LRMDA: variants seen among roughly 807,000 people sequenced by gnomAD.
The protein encoded by LRMDA is leucine-rich melanocyte differentiation-associated protein.
A neutral mutation model predicts 29.8 loss-of-function variants in LRMDA; 18 were observed. The observed-to-expected ratio is 0.60, with a 90% confidence interval of 0.42 to 0.90. The LOEUF is 0.90. Ranked by LOEUF, LRMDA falls within the 40% of genes least tolerant of loss-of-function variation. The pLI, the probability that LRMDA is intolerant of heterozygous loss-of-function variation, is 0.00. For missense variants in LRMDA, 273 were observed against 273.9 expected (o/e 1.00, Z 0.02); for synonymous variants, 125 against 109.4 (o/e 1.14, Z -0.89).
In LRMDA at chr10:75,735,477, C is replaced by T. The variant is rs892664366; in HGVS notation, c.131+296983C>T. Among the ~76,000 whole-genome samples the T allele has an allele frequency of 2.6e-5, 4 of 152,254 alleles. No individual in the cohort carries two copies. In the South Asian group the frequency reaches 8.3e-4, roughly 32 times the overall value. On this transcript the variant is annotated intron_variant, in intron 2 of 6. Transcript: ENST00000611255. ...AAACAAACTAACTAACAATCAGCAA[C>T]AAAAACATCACATTCAGCCTAAACT...
intron 6 of LRMDA, among the ~76,000 whole-genome samples, chr10:76,481,325 C>T (rs1436965503): frequency 6.6e-6 from 1 of 151,360 alleles, no homozygotes. Context: ...CTGCAATGGG[C>T]CTGAAATGAC....
rs1392178157 is a variant in LRMDA, at chr10:75,672,517, T to TCCC, written c.131+234023_131+234024insCCC. Among the ~76,000 whole-genome samples the TCCC allele has an allele frequency of 3.3e-3, 122 of 36,698 alleles. 14 individuals are homozygous for TCCC. Among genetic ancestry groups the TCCC allele is most frequent in the African/African-American group, 9.7e-3 (100 of 10,348 alleles). The allele number at this position is 36,698 out of a possible 152,430, so 24.1% of individuals were successfully genotyped here. On this transcript the variant is annotated intron_variant, in intron 2 of 6. Transcript: ENST00000611255. ...CTAAGACACTTCCTTGTATTTTTCT[T>TCCC]TTCTTTTCCTCCCCTCCCCTCCCCT...
At chr10:75,751,372 T>TG (rs1842967704) in intron 2 of LRMDA, among the ~76,000 whole-genome samples, 1 of 140,436 alleles carries the variant, frequency 7.1e-6, no homozygotes, top group South Asian at 2.3e-4. Context: ...GGAGGGGGAG[T>TG]GGGAGAGGGA....
intron 5 of LRMDA, among the ~76,000 whole-genome samples, chr10:76,118,682 C>T (rs982427701): frequency 1.3e-5 from 2 of 152,022 alleles, no homozygotes; most frequent in South Asian, 4.2e-4. Flanking sequence ...GACTCCCAAG[C>T]CCAGGGTACC....
intron 5 of LRMDA, among the ~76,000 whole-genome samples, chr10:76,305,212 A>G (rs775996898): frequency 6.6e-6 from 1 of 152,196 alleles, no homozygotes; most frequent in Non-Finnish European, 1.5e-5. Context: ...TTCAAAACCT[A>G]GGAATCCTGG....
At chr10:76,328,637 G>A (rs1449315488) in intron 6 of LRMDA, among the ~76,000 whole-genome samples, 1 of 152,148 alleles carries the variant, frequency 6.6e-6, no homozygotes, top group African/African-American at 2.4e-5. Context: ...TAGAGGGAGA[G>A]GCATGGCCTG....
intron 6 of LRMDA, among the ~76,000 whole-genome samples, chr10:76,481,268 T>G (rs1007318822): frequency 7.2e-5 from 11 of 151,864 alleles, no homozygotes; most frequent in Non-Finnish European, 1.5e-5. Flanking sequence ...AGTGTTTGAT[T>G]TTTAGATTGT....
chr10:75,815,960 G>A (rs1554827482), intron 2 of LRMDA, among the ~76,000 whole-genome samples: 1 of 152,212 alleles, frequency 6.6e-6, no homozygotes, highest in Non-Finnish European at 1.5e-5. Context: ...TGTATCTCTA[G>A]TAAGGAGCAG....
chr10:76,313,663 C>A (rs1291659298), intron 5 of LRMDA, among the ~76,000 whole-genome samples: 1 of 152,050 alleles, frequency 6.6e-6, no homozygotes, highest in Admixed American at 6.5e-5. Flanking sequence ...TGCTTAACAG[C>A]CAAGTCTCTG....
chr10:75,744,017 G>T (rs1247388720), intron 2 of LRMDA, among the ~76,000 whole-genome samples: 1 of 152,162 alleles, frequency 6.6e-6, no homozygotes, highest in Admixed American at 6.5e-5. Context: ...AACCACTAGG[G>T]TGTTGAAACA....
chr10:76,381,404 T>C (rs147412016), intron 6 of LRMDA, among the ~76,000 whole-genome samples: 3 of 152,322 alleles, frequency 2.0e-5, no homozygotes, highest in African/African-American at 7.2e-5. Context: ...CCAATACCTG[T>C]ACATATCTGG....
At chr10:75,920,844 T>C (rs1564607350) in intron 2 of LRMDA, among the ~76,000 whole-genome samples, 1 of 152,348 alleles carries the variant, frequency 6.6e-6, no homozygotes, top group East Asian at 1.9e-4. Flanking sequence ...TTTATGTGCA[T>C]AGCTTCGCGC....
chr10:76,413,531 A>C (rs1841984815), intron 6 of LRMDA, among the ~76,000 whole-genome samples: 1 of 152,138 alleles, frequency 6.6e-6, no homozygotes. Context: ...AGTATGGGGG[A>C]AACTGACCCC....
chr10:76,287,786 A>C (rs1485375186), intron 5 of LRMDA, among the ~76,000 whole-genome samples: 2 of 152,208 alleles, frequency 1.3e-5, no homozygotes, highest in Non-Finnish European at 2.9e-5. Context: ...CCAGCAAACA[A>C]ACAAGTCTCC....
chr10:75,492,745 G>A (rs1319287885), intron 2 of LRMDA, among the ~76,000 whole-genome samples: 1 of 152,126 alleles, frequency 6.6e-6, no homozygotes, highest in Non-Finnish European at 1.5e-5. Context: ...TACAGTTAAT[G>A]TTATCTACAT....
intron 2 of LRMDA, among the ~76,000 whole-genome samples, chr10:75,781,939 G>A (rs568164353): frequency 3.3e-5 from 5 of 152,298 alleles, no homozygotes; most frequent in African/African-American, 4.8e-5. Context: ...TGGCCCTGGG[G>A]TGATGGGGAG....
chr10:75,736,111 C>T (rs756166428), intron 2 of LRMDA, among the ~76,000 whole-genome samples: 2 of 152,106 alleles, frequency 1.3e-5, no homozygotes, highest in Non-Finnish European at 2.9e-5. Context: ...TGGCACTTTG[C>T]ACCAATATTA....
chr10:75,979,442 G>C (rs932385230), intron 2 of LRMDA, among the ~76,000 whole-genome samples: 1 of 152,080 alleles, frequency 6.6e-6, no homozygotes, highest in Non-Finnish European at 1.5e-5. Context: ...AGAGTTTATT[G>C]AACATGGTGC....
intron 2 of LRMDA, among the ~76,000 whole-genome samples, chr10:75,536,677 C>T (rs867899679): frequency 3.9e-5 from 6 of 152,118 alleles, no homozygotes; most frequent in Admixed American, 6.5e-5. Context: ...CTCAGCCTCC[C>T]GAGTAGCTGG....
Sources: allele counts gnomAD v4.1 joint callset (sites outside exome capture counted in the v4.1 genomes callset), GRCh38; gene constraint gnomAD v4.1.1; transcripts MANE v1.5; gene names NCBI Gene and HGNC (gene_info 2026-07-23, HGNC 2026-07-21).